The following PDE10A variants were observed in gnomAD, a reference collection of about 807,000 sequenced individuals.
PDE10A encodes the protein cAMP and cAMP-inhibited cGMP 3',5'-cyclic phosphodiesterase 10A.
A neutral mutation model predicts 97.7 loss-of-function variants in PDE10A; 39 were observed. The observed-to-expected ratio is 0.40, with a 90% CI of 0.31 to 0.52. The LOEUF is 0.52. Ranked by LOEUF, PDE10A falls within the 20% of genes least tolerant of loss-of-function variation. The pLI is 0.56. For missense variants in PDE10A, 731 were observed against 1,047.8 expected (o/e 0.70, Z 4.17); for synonymous variants, 371 against 376.8 (o/e 0.98, Z 0.18).
At chr6:165,838,255 T>C (rs902884416) in intron 1 of PDE10A, among the ~76,000 whole-genome samples, 7 of 152,216 alleles carry the variant, frequency 4.6e-5, no homozygotes, top group African/African-American at 1.4e-4. Flanking sequence ...AAAGCCCACA[T>C]TAATGGAATG....
Position 165,505,269 on chromosome 6 carries a change from A to G in PDE10A, c.995-22926T>C, listed in dbSNP as rs79652429. ...AAACATCTCATGATAAAGCCAACAA[A>G]TAATAAAAAACACATTGCCTTACAA... On this transcript the variant is annotated intron_variant, in intron 2 of 21. Transcript: ENST00000539869. Among the ~76,000 whole-genome samples the G allele has an allele frequency of 4.6e-5, 7 of 152,334 alleles. 1 individual carries two copies. In the East Asian group the frequency reaches 1.2e-3, roughly 25 times the overall value.
At chr6:165,347,920 A>C (rs2128184272) in intron 18 of PDE10A, among the ~76,000 whole-genome samples, 1 of 152,362 alleles carries the variant, frequency 6.6e-6, no homozygotes, top group Non-Finnish European at 1.5e-5. Context: ...TAGCTATGTA[A>C]AAATATAGAA....
At chr6:165,764,866 C>T (rs1415115161) in intron 1 of PDE10A, among the ~76,000 whole-genome samples, 1 of 152,164 alleles carries the variant, frequency 6.6e-6, no homozygotes, top group Non-Finnish European at 1.5e-5. Flanking sequence ...TGCTTTTATT[C>T]TCTTATCTGG....
chr6:165,472,602 C>G (rs1179680075), intron 3 of PDE10A, among the ~76,000 whole-genome samples: 2 of 151,998 alleles, frequency 1.3e-5, no homozygotes, highest in African/African-American at 4.8e-5. Context: ...TAGACTTTAT[C>G]CCCATTTTAC....
chr6:165,722,040 A>G (rs1316433273), intron 1 of PDE10A, among the ~76,000 whole-genome samples: 5 of 152,194 alleles, frequency 3.3e-5, no homozygotes, highest in South Asian at 2.1e-4. Context: ...AGCCACATAC[A>G]AACAAATTTG....
At chr6:165,799,693 A>G (rs1778930296) in intron 1 of PDE10A, among the ~76,000 whole-genome samples, 1 of 152,128 alleles carries the variant, frequency 6.6e-6, no homozygotes, top group African/African-American at 2.4e-5. Context: ...TTAAACTTTA[A>G]CCGTCTTCAG....
chr6:165,473,242 T>C (rs951005296), intron 3 of PDE10A, among the ~76,000 whole-genome samples: 2 of 152,216 alleles, frequency 1.3e-5, no homozygotes, highest in African/African-American at 2.4e-5. Context: ...AGTAAATATA[T>C]GCATGTGAAG....
At chr6:165,564,137 TC>T (rs1784659574) in intron 1 of PDE10A, among the ~76,000 whole-genome samples, 1 of 152,168 alleles carries the variant, frequency 6.6e-6, no homozygotes, top group South Asian at 2.1e-4. Flanking sequence ...CAAATACATA[TC>T]CTTTAAAATA....
intron 1 of PDE10A, among the ~76,000 whole-genome samples, chr6:165,798,431 T>C (rs984597452): frequency 2.0e-5 from 3 of 152,240 alleles, no homozygotes; most frequent in Non-Finnish European, 4.4e-5. Flanking sequence ...TCTGTCCTTC[T>C]GTCAGTATGT....
intron 5 of PDE10A, among the ~76,000 whole-genome samples, chr6:165,438,098 G>A (rs981980845): frequency 1.3e-5 from 2 of 152,192 alleles, no homozygotes; most frequent in Non-Finnish European, 2.9e-5. Context: ...CAAGTAGGAT[G>A]TCATGGGCTG....
At chr6:165,682,638 A>T (rs1235249094) in intron 1 of PDE10A, among the ~76,000 whole-genome samples, 2 of 152,100 alleles carry the variant, frequency 1.3e-5, no homozygotes, top group African/African-American at 4.8e-5. Flanking sequence ...GCCAGCCTTC[A>T]CCAGGCACCA....
intron 3 of PDE10A, among the ~76,000 whole-genome samples, chr6:165,471,102 C>T (rs186371940): frequency 6.6e-6 from 1 of 152,304 alleles, no homozygotes; most frequent in East Asian, 1.9e-4. Flanking sequence ...AATGACCCCA[C>T]ACTGCCAAAC....
chr6:165,417,934 A>G (rs1788436816), intron 11 of PDE10A, among the ~76,000 whole-genome samples: 1 of 152,214 alleles, frequency 6.6e-6, no homozygotes, highest in Non-Finnish European at 1.5e-5. Flanking sequence ...ACATACAGCA[A>G]AAGAAATGCA....
At chr6:165,355,273 A>T (rs1782954540) in intron 18 of PDE10A, among the ~76,000 whole-genome samples, 1 of 152,184 alleles carries the variant, frequency 6.6e-6, no homozygotes, top group Non-Finnish European at 1.5e-5. Context: ...ATTAGTGAGT[A>T]TGAAAATATA....
At chr6:165,784,440 A>C (rs972404899) in intron 1 of PDE10A, among the ~76,000 whole-genome samples, 2 of 152,176 alleles carry the variant, frequency 1.3e-5, no homozygotes, top group Non-Finnish European at 2.9e-5. Context: ...GGACAACTGA[A>C]GAAATTTGAA....
intron 1 of PDE10A, among the ~76,000 whole-genome samples, chr6:165,704,351 C>T (rs184814873): frequency 6.6e-6 from 1 of 152,330 alleles, no homozygotes; most frequent in East Asian, 1.9e-4. Flanking sequence ...ACCCAACCGG[C>T]AACACTGGTG....
chr6:165,913,416 C>A (rs1782518733), intron 1 of PDE10A, among the ~76,000 whole-genome samples: 1 of 152,092 alleles, frequency 6.6e-6, no homozygotes, highest in Non-Finnish European at 1.5e-5. Context: ...TGCATATAGC[C>A]TACACACATC....
At chr6:165,681,804 C>T (rs1431897999) in intron 1 of PDE10A, among the ~76,000 whole-genome samples, 4 of 152,132 alleles carry the variant, frequency 2.6e-5, no homozygotes, top group African/African-American at 9.7e-5. Flanking sequence ...CCTAGTCCTT[C>T]TAATAAGTGA....
chr6:165,447,903 C>G (rs1790988974), intron 5 of PDE10A, among the ~76,000 whole-genome samples: 1 of 152,108 alleles, frequency 6.6e-6, no homozygotes, highest in Admixed American at 6.5e-5. Context: ...CAAGGGAAAA[C>G]AGTGGCCATG....
Sources: allele counts gnomAD v4.1 joint callset (sites outside exome capture counted in the v4.1 genomes callset), GRCh38; gene constraint gnomAD v4.1.1; transcripts MANE v1.5; gene names NCBI Gene and HGNC (gene_info 2026-07-23, HGNC 2026-07-21).